SPATA16: variants seen among roughly 807,000 people sequenced by gnomAD.
SPATA16 encodes spermatogenesis associated 16.
In SPATA16, 36 loss-of-function variants were observed where a neutral mutation model predicts 63.3. That is an observed-to-expected ratio of 0.57 (90% CI 0.44 to 0.75). The LOEUF (loss-of-function observed/expected upper bound fraction) is 0.75, where lower values mean the gene tolerates loss of function less well. Ranked by LOEUF, SPATA16 falls within the 30% of genes least tolerant of loss-of-function variation. The pLI is 0.00. For missense variants in SPATA16, 646 were observed against 679.3 expected, an observed-to-expected ratio of 0.95 and a Z score of 0.54; for synonymous variants, 203 against 216.7, an observed-to-expected ratio of 0.94 and a Z score of 0.56.
intron 2 of SPATA16, among the ~76,000 whole-genome samples, chr3:173,062,286 C>T (rs1736399511): frequency 1.3e-5 from 2 of 151,984 alleles, no homozygotes; most frequent in African/African-American, 4.8e-5. Context: ...AATAATAAAC[C>T]TTCTTCCCTC....
At chr3:172,968,596 G>C (rs903744845) in intron 5 of SPATA16, among the ~76,000 whole-genome samples, 2 of 152,084 alleles carry the variant, frequency 1.3e-5, no homozygotes, top group African/African-American at 4.8e-5. Flanking sequence ...TATGGTTCAG[G>C]TTCTTGCCTC....
chr3:173,100,050 T>G (rs1737453693), intron 2 of SPATA16, among the ~76,000 whole-genome samples: 1 of 152,184 alleles, frequency 6.6e-6, no homozygotes, highest in Admixed American at 6.6e-5. Flanking sequence ...CAAACAGCAG[T>G]CTGGGACCTG....
chr3:173,104,998 A>G (rs999350104), intron 2 of SPATA16, among the ~76,000 whole-genome samples: 4 of 152,150 alleles, frequency 2.6e-5, no homozygotes, highest in Non-Finnish European at 4.4e-5. Flanking sequence ...TGCTTCTGGA[A>G]GTTGGCTTTG....
chr3:173,058,101 A>G (rs1289358926), intron 2 of SPATA16, among the ~76,000 whole-genome samples: 1 of 152,180 alleles, frequency 6.6e-6, no homozygotes, highest in Non-Finnish European at 1.5e-5. Context: ...GACTAAATCT[A>G]TATGAATTTC....
At chr3:173,091,432 A>G (rs1474355403) in intron 2 of SPATA16, among the ~76,000 whole-genome samples, 1 of 151,898 alleles carries the variant, frequency 6.6e-6, no homozygotes, top group Non-Finnish European at 1.5e-5. Context: ...CTTCTTACTG[A>G]CATTTCACAT....
chr3:172,955,588 T>C lies in SPATA16; in HGVS notation c.1081+1089A>G, dbSNP rs114258312. Among the ~76,000 whole-genome samples, 1,210 of 152,294 alleles carry C rather than the reference T, an allele frequency of 7.9e-3. 13 individuals are homozygous for C. Among genetic ancestry groups the C allele is most frequent in the African/African-American group, 0.028 (1,153 of 41,568 alleles). Reference sequence around the variant, plus strand: ...CAAATTACCATTGTTCCTTAGGGATTTACTATTCTGTTATCACTAGTGGGA... The same window carrying C: ...CAAATTACCATTGTTCCTTAGGGATCTACTATTCTGTTATCACTAGTGGGA... On this transcript the variant is annotated intron_variant, in intron 6 of 10. Transcript: ENST00000351008.
intron 2 of SPATA16, among the ~76,000 whole-genome samples, chr3:173,064,459 C>G (rs540578463): frequency 1.3e-5 from 2 of 152,140 alleles, no homozygotes; most frequent in East Asian, 1.9e-4. Context: ...GCACAAACTC[C>G]CTGTACATTA....
rs578219046 is a variant in SPATA16, at chr3:172,889,519, C to T, written c.*51G>A. The T allele has an allele frequency of 7.3e-5, 118 of 1,611,950 alleles. No individual in the cohort carries two copies. In the East Asian group the frequency reaches 2.5e-3, roughly 35 times the overall value. On this transcript the variant is annotated 3_prime_UTR_variant, in exon 11 of 11. Transcript: ENST00000351008. Reference sequence around the variant, plus strand: ...ACTAGGTGGGCATTGGAGTGGATGCCCTTGCCTCTTCTTCTGGGATATCTT... The same window carrying T: ...ACTAGGTGGGCATTGGAGTGGATGCTCTTGCCTCTTCTTCTGGGATATCTT...
intron 4 of SPATA16, among the ~76,000 whole-genome samples, chr3:173,013,135 G>C (rs1577131721): frequency 6.6e-6 from 1 of 152,144 alleles, no homozygotes; most frequent in East Asian, 1.9e-4. Context: ...CTCAAAGGAA[G>C]ACATACAAAT....
chr3:173,040,120 CT>C (rs1201191413), intron 3 of SPATA16, among the ~76,000 whole-genome samples: 1 of 152,058 alleles, frequency 6.6e-6, no homozygotes, highest in African/African-American at 2.4e-5. Context: ...TCTCTTCTTC[CT>C]CCTCCTTTAC....
chr3:173,084,376 T>C (rs1736997075), intron 2 of SPATA16, among the ~76,000 whole-genome samples: 1 of 152,200 alleles, frequency 6.6e-6, no homozygotes, highest in Non-Finnish European at 1.5e-5. Flanking sequence ...TTTGTTTTTT[T>C]CTTGTAAATT....
At chr3:172,929,747 C>T (rs1326668218) in intron 6 of SPATA16, among the ~76,000 whole-genome samples, 1 of 152,208 alleles carries the variant, frequency 6.6e-6, no homozygotes. Context: ...ACAGTCGCAG[C>T]TGGAAATTTC....
At chr3:173,089,111 C>T (rs941963070) in intron 2 of SPATA16, among the ~76,000 whole-genome samples, 8 of 152,082 alleles carry the variant, frequency 5.3e-5, no homozygotes, top group African/African-American at 1.4e-4. Flanking sequence ...TTGAGATCCC[C>T]GATTTCTCAT....
chr3:172,897,369 T>C (rs1471672316), intron 10 of SPATA16, among the ~76,000 whole-genome samples: 2 of 152,142 alleles, frequency 1.3e-5, no homozygotes, highest in Non-Finnish European at 2.9e-5. Context: ...TAAAAAGTCT[T>C]GTATTTCAAA....
At chr3:173,123,150 C>A (rs1471936758) in intron 1 of SPATA16, among the ~76,000 whole-genome samples, 1 of 152,104 alleles carries the variant, frequency 6.6e-6, no homozygotes, top group Non-Finnish European at 1.5e-5. Flanking sequence ...TTAAGAAATG[C>A]AAAATAAACC....
chr3:173,082,960 G>A (rs1736960063), intron 2 of SPATA16, among the ~76,000 whole-genome samples: 1 of 152,102 alleles, frequency 6.6e-6, no homozygotes, highest in Non-Finnish European at 1.5e-5. Flanking sequence ...TCCCAGCACA[G>A]TGCCTGGCAT....
chr3:172,894,659 A>T (rs1043492303), intron 10 of SPATA16, among the ~76,000 whole-genome samples: 3 of 152,208 alleles, frequency 2.0e-5, no homozygotes, highest in Non-Finnish European at 4.4e-5. Flanking sequence ...TCCCAAATTC[A>T]TATGTTGAAA....
At chr3:173,108,680 T>C (rs1199974118) in intron 2 of SPATA16, among the ~76,000 whole-genome samples, 1 of 152,234 alleles carries the variant, frequency 6.6e-6, no homozygotes, top group African/African-American at 2.4e-5. Flanking sequence ...TGACAGACTG[T>C]ATATATGACA....
chr3:173,058,846 G>A (rs1157850139), intron 2 of SPATA16, among the ~76,000 whole-genome samples: 4 of 151,924 alleles, frequency 2.6e-5, no homozygotes, highest in Admixed American at 2.6e-4. Context: ...AAAACAAACT[G>A]GAAAGATTGG....
Sources: gnomAD v4.1 joint callset for allele counts (sites outside exome capture counted in the v4.1 genomes callset) on GRCh38, gnomAD v4.1.1 for gene constraint, MANE v1.5 for transcripts, NCBI Gene and HGNC (gene_info 2026-07-23, HGNC 2026-07-21) for gene names.